The following UBE3C variants were observed in gnomAD, a reference collection of about 807,000 sequenced individuals.
UBE3C encodes ubiquitin-protein ligase E3C.
In UBE3C, 42 loss-of-function variants were observed where a neutral mutation model predicts 129.4. The observed-to-expected ratio is 0.32, with a 90% CI of 0.25 to 0.42. The LOEUF (loss-of-function observed/expected upper bound fraction) is 0.42, where lower values mean the gene tolerates loss of function less well. Ranked by LOEUF, UBE3C falls within the 10% of genes least tolerant of loss-of-function variation. UBE3C has a pLI of 1.00. For missense variants in UBE3C, 1,049 were observed against 1,319.1 expected, an observed-to-expected ratio of 0.80 and a Z score of 3.17; for synonymous variants, 510 against 492.4, an observed-to-expected ratio of 1.04 and a Z score of -0.47.
chr7:157,229,924 ATT>A (rs34371551), intron 17 of UBE3C, among the ~76,000 whole-genome samples: 1 of 88,464 alleles, frequency 1.1e-5, no homozygotes, highest in Non-Finnish European at 3.1e-5. Context: ...TAATTTATTT[ATT>A]TTTTTTTTTT....
chr7:157,260,439 G>A (rs1796871931), intron 22 of UBE3C, among the ~76,000 whole-genome samples: 1 of 152,212 alleles, frequency 6.6e-6, no homozygotes, highest in South Asian at 2.1e-4. Context: ...CATGTGACCA[G>A]ATAGGAGAAT....
At chr7:157,250,913 A>G (rs1176427691) in intron 19 of UBE3C, among the ~76,000 whole-genome samples, 2 of 152,202 alleles carry the variant, frequency 1.3e-5, no homozygotes, top group Non-Finnish European at 2.9e-5. Context: ...TTCTGAAATA[A>G]ATGTTAATAG....
chr7:157,252,077 A>C lies in UBE3C; in HGVS notation c.2695-1877A>C, dbSNP rs537671267. 2.0e-4 allele frequency among the ~76,000 whole-genome samples: 31 copies of C among 152,272 alleles called. 1 individual carries two copies. In the South Asian group the frequency reaches 6.0e-3, roughly 30 times the overall value. On this transcript the variant is annotated intron_variant, in intron 19 of 22. Transcript: ENST00000348165. ...CTTGAACCCAGATGGTGGAGGTTGC[A>C]CTGAGCCAAGATTGCTCCACTGCAC...
intron 6 of UBE3C, among the ~76,000 whole-genome samples, 193 bp downstream of exon 6, chr7:157,179,040 T>C (rs1379570190): frequency 6.6e-6 from 1 of 151,874 alleles, no homozygotes; most frequent in African/African-American, 2.4e-5. Context: ...CTCCACCCAC[T>C]CTGAAAATTC....
Position 157,151,653 on chromosome 7 carries a change from T to A in UBE3C, c.67-12157T>A, listed in dbSNP as rs3802131. ...AAGTGTCTTCCTCAAAAAAGCCCAGTAGAACCATAAGGAGTAATTTTTTGT... is the reference window on the plus strand; with the variant it reads ...AAGTGTCTTCCTCAAAAAAGCCCAGAAGAACCATAAGGAGTAATTTTTTGT... On this transcript the variant is annotated intron_variant, in intron 1 of 22. Transcript: ENST00000348165. Among the ~76,000 whole-genome samples, 525 of 152,242 alleles carry A rather than the reference T, an allele frequency of 3.4e-3. 16 individuals carry two copies. In the South Asian group the frequency reaches 0.047, roughly 13 times the overall value.
chr7:157,139,412 TGGACTCGGGGC>T lies in UBE3C; in HGVS notation c.66+75_66+85del, dbSNP rs1318232628. 2,140 of 1,376,126 alleles carry T rather than the reference TGGACTCGGGGC, an allele frequency of 1.6e-3. 29 individuals are homozygous for T. The African/African-American group carries it at 0.03, about 19-fold the overall frequency. 85.2% of individuals were successfully genotyped at this position (1,376,126 alleles called of 1,614,324 possible). A position where few individuals can be genotyped will look rare whatever the true frequency, so the allele number is the denominator to read the frequency against. ...GGGGCTCGGGGCTGGGACTCGGGGC[TGGACTCGGGGC>T]TGGACTCGGGGCCGAGACTTGGGGC... On this transcript the variant is annotated intron_variant, in intron 1 of 22. Coordinates refer to ENST00000348165, the MANE Select transcript of UBE3C (RefSeq NM_014671.3).
intron 18 of UBE3C, among the ~76,000 whole-genome samples, chr7:157,234,686 T>C (rs1796109022): frequency 6.6e-6 from 1 of 152,224 alleles, no homozygotes; most frequent in Non-Finnish European, 1.5e-5. Context: ...CCAACCTGAC[T>C]TCACTACCGT....
intron 5 of UBE3C, among the ~76,000 whole-genome samples, chr7:157,177,135 C>T (rs1202968744): frequency 6.6e-6 from 1 of 152,124 alleles, no homozygotes; most frequent in East Asian, 1.9e-4. Flanking sequence ...ATAGGAGAGG[C>T]GCAGTTCCTC....
intron 6 of UBE3C, among the ~76,000 whole-genome samples, chr7:157,180,476 AAGTACTGAGT>A (rs932877352): frequency 2.4e-4 from 36 of 152,314 alleles, no homozygotes; most frequent in African/African-American, 7.9e-4. Flanking sequence ...TCTAATGATA[AAGTACTGAGT>A]ATGCATTGTT....
Position 157,164,036 on chromosome 7 carries a change from G to A in UBE3C, c.120+173G>A, listed in dbSNP as rs116010943. On this transcript the variant is annotated intron_variant, in intron 2 of 22. Transcript: ENST00000348165. The stretch of plus-strand genomic sequence containing the variant: ...TTATTCTGGAGCCGGTGTAGAAAGA[G>A]ATGGACTAAAAGGGCAGTTTCCAGA... Among the ~76,000 whole-genome samples the A allele has an allele frequency of 2.9e-3, 435 of 152,250 alleles. 7 individuals carry two copies. The highest frequency in any genetic ancestry group is 9.7e-3 in the African/African-American group (403 of 41,542).
At chr7:157,200,704 G>T (rs1809255044) in intron 10 of UBE3C, among the ~76,000 whole-genome samples, 2 of 151,934 alleles carry the variant, frequency 1.3e-5, no homozygotes, top group African/African-American at 2.4e-5. Context: ...GTGCAATCTT[G>T]GCTCACTGCA....
At chr7:157,185,383 TA>T (rs1808778400) in intron 9 of UBE3C, among the ~76,000 whole-genome samples, 1 of 152,252 alleles carries the variant, frequency 6.6e-6, no homozygotes, top group Non-Finnish European at 1.5e-5. Context: ...TATTCTTTTT[TA>T]ATACATAAGG....
chr7:157,223,412 A>C (rs1795792078), intron 16 of UBE3C, 61 bp downstream of exon 16: 1 of 1,404,722 alleles, frequency 7.1e-7, no homozygotes. Flanking sequence ...AAATTAACAC[A>C]CACCCACCAG....
At chr7:157,182,407 T>C (rs1366159195) in intron 8 of UBE3C, 79 bp downstream of exon 8, 1 of 1,428,120 alleles carries the variant, frequency 7.0e-7, no homozygotes, top group Non-Finnish European at 9.6e-7. Flanking sequence ...GGCCATGCAG[T>C]GGCAGGTGTT....
chr7:157,215,824 A>G (rs993648957), intron 13 of UBE3C, among the ~76,000 whole-genome samples: 1 of 152,108 alleles, frequency 6.6e-6, no homozygotes, highest in Non-Finnish European at 1.5e-5. Flanking sequence ...TCGGTAGAGA[A>G]CTTCAGGTCT....
At chr7:157,223,061 CG>C (rs1445784352) in intron 15 of UBE3C, 192 bp from the exon 16 acceptor site, 4 of 547,438 alleles carry the variant, frequency 7.3e-6, no homozygotes, top group African/African-American at 3.8e-5. Flanking sequence ...GTTATGTGTT[CG>C]GGGAGCTACT....
chr7:157,157,924 G>C (rs1807956896), intron 1 of UBE3C, among the ~76,000 whole-genome samples: 1 of 151,878 alleles, frequency 6.6e-6, no homozygotes, highest in Admixed American at 6.6e-5. Context: ...AGGTTGCAGT[G>C]AGCCAAGATC....
intron 10 of UBE3C, chr7:157,189,357 T>C (rs1808891559): frequency 6.0e-6 from 1 of 165,372 alleles, no homozygotes; most frequent in Non-Finnish European, 1.3e-5. Flanking sequence ...GATTTAACAT[T>C]TTTAATATCC....
intron 17 of UBE3C, among the ~76,000 whole-genome samples, chr7:157,229,785 T>C (rs930888849): frequency 6.6e-6 from 1 of 151,910 alleles, no homozygotes; most frequent in Non-Finnish European, 1.5e-5. Flanking sequence ...CAGCTTTTCT[T>C]ATATTTTGTA....
Sources: gnomAD v4.1 joint callset for allele counts (sites outside exome capture counted in the v4.1 genomes callset) on GRCh38, gnomAD v4.1.1 for gene constraint, MANE v1.5 for transcripts, NCBI Gene and HGNC (gene_info 2026-07-23, HGNC 2026-07-21) for gene names.